Variants in NRG1 observed in about 807,000 individuals in gnomAD.
The protein encoded by NRG1 is neuregulin 1.
In NRG1, 18 loss-of-function variants were observed where a neutral mutation model predicts 63.8. The ratio of observed to expected loss-of-function variants is 0.28; its 90% CI spans 0.19 to 0.42. The LOEUF (loss-of-function observed/expected upper bound fraction) is 0.42. Ranked by LOEUF, NRG1 falls within the 10% of genes least tolerant of loss-of-function variation. NRG1 has a pLI of 1.00. For missense variants in NRG1, 762 were observed against 814.7 expected, an observed-to-expected ratio of 0.94 and a Z score of 0.79; for synonymous variants, 302 against 301.3, an observed-to-expected ratio of 1.00 and a Z score of -0.02.
chr8:32,759,506 C>T, intron 10 of NRG1, 70 bp downstream of exon 10: 1 of 1,543,690 alleles, frequency 6.5e-7, no homozygotes, highest in Non-Finnish European at 8.8e-7. Flanking sequence ...TTTGATATCC[C>T]TGCCTAAGAA....
intron 1 of NRG1, among the ~76,000 whole-genome samples, chr8:31,654,352 C>T (rs77822881): frequency 0.044 from 6,686 of 152,160 alleles, 257 homozygotes; most frequent in Non-Finnish European, 0.061. Context: ...GGTTTGAAGC[C>T]GTGTAACAGG....
In NRG1 at chr8:32,531,572, C is replaced by A. The variant is rs527319624; in HGVS notation, c.38-64256C>A. Among the ~76,000 whole-genome samples, 14 of 152,162 alleles carry A rather than the reference C, an allele frequency of 9.2e-5. No individual in the cohort carries two copies. In the South Asian group the frequency reaches 2.7e-3, roughly 29 times the overall value. ...AAACTATGCAATTCGAATGGAAGAT[C>A]CATTTTAAAAAGTTATTGTGGCAGT... On this transcript the variant is annotated intron_variant, in intron 1 of 10. Coordinates refer to the NRG1 transcript ENST00000519301.
chr8:32,066,662 G>T (rs906870807), intron 1 of NRG1, among the ~76,000 whole-genome samples: 25 of 152,254 alleles, frequency 1.6e-4, no homozygotes, highest in Middle Eastern at 3.4e-3. Context: ...TGTTGACTTG[G>T]CAATGAGGAC....
At chr8:32,539,507 A>G (rs2129520507) in intron 1 of NRG1, among the ~76,000 whole-genome samples, 1 of 152,278 alleles carries the variant, frequency 6.6e-6, no homozygotes, top group East Asian at 1.9e-4. Context: ...TAAAGAGAAA[A>G]ATGAAGGATG....
At chr8:32,338,440 T>C (rs1272380051) in intron 1 of NRG1, among the ~76,000 whole-genome samples, 1 of 152,178 alleles carries the variant, frequency 6.6e-6, no homozygotes, top group Admixed American at 6.6e-5. Flanking sequence ...TATTCTACAG[T>C]TACAAAATAT....
chr8:32,117,783 T>G (rs1832929792), intron 1 of NRG1, among the ~76,000 whole-genome samples: 2 of 152,106 alleles, frequency 1.3e-5, no homozygotes, highest in Admixed American at 1.3e-4. Flanking sequence ...CTTTGACAAT[T>G]TTTGTAATTC....
intron 1 of NRG1, among the ~76,000 whole-genome samples, chr8:31,857,158 C>T (rs1233521267): frequency 1.3e-5 from 2 of 152,358 alleles, no homozygotes; most frequent in South Asian, 4.1e-4. Flanking sequence ...CAGCTTCCCC[C>T]CTGCTTTGTT....
chr8:31,688,927 C>T (rs1809193146), intron 1 of NRG1, among the ~76,000 whole-genome samples: 1 of 152,170 alleles, frequency 6.6e-6, no homozygotes, highest in South Asian at 2.1e-4. Flanking sequence ...GTCAGGAGGG[C>T]TGTCTTCCCT....
rs573666854 is a variant in NRG1, at chr8:31,855,775, G to A, written c.37+216344G>A. Among the ~76,000 whole-genome samples, 918 of 152,098 alleles carry A rather than the reference G, an allele frequency of 6.0e-3. 12 individuals are homozygous for A. The highest frequency in any genetic ancestry group is 0.02 in the African/African-American group (811 of 41,462). On this transcript the variant is annotated intron_variant, in intron 1 of 10. Transcript: ENST00000519301. The stretch of plus-strand genomic sequence containing the variant: ...CCGGTTGTTCCTTTTCATGTTTAGC[G>A]CTTCCTTCAGGAGCTCTTTTAGGGC...
At chr8:32,387,345 G>A (rs751362301) in intron 1 of NRG1, among the ~76,000 whole-genome samples, 1 of 152,282 alleles carries the variant, frequency 6.6e-6, no homozygotes, top group East Asian at 1.9e-4. Flanking sequence ...TGACTTGAAA[G>A]CCTTTGCATT....
intron 1 of NRG1, among the ~76,000 whole-genome samples, chr8:32,381,290 A>C (rs1810311152): frequency 6.6e-6 from 1 of 152,200 alleles, no homozygotes; most frequent in Admixed American, 6.5e-5. Context: ...CCATGAAAAT[A>C]ACTTTTACTC....
intron 1 of NRG1, among the ~76,000 whole-genome samples, chr8:31,914,162 AT>A (rs1430124577): frequency 3.9e-5 from 6 of 152,188 alleles, no homozygotes; most frequent in African/African-American, 1.4e-4. Flanking sequence ...TTTCTTTCCC[AT>A]TCAGATATTT....
At chr8:32,019,475 ACT>A (rs1200895507) in intron 1 of NRG1, among the ~76,000 whole-genome samples, 3 of 151,820 alleles carry the variant, frequency 2.0e-5, no homozygotes, top group Non-Finnish European at 4.4e-5. Context: ...ATGTTTTTCC[ACT>A]CTATGGCTTG....
chr8:31,961,726 A>C lies in NRG1; in HGVS notation c.37+322295A>C, dbSNP rs527818774. ...GATTGGAGTATGGCAAAGGAAATGA[A>C]GCATGAAGGGAAAACTAGGAGCTAT... On this transcript the variant is annotated intron_variant, in intron 1 of 10. Transcript: ENST00000519301. Among the ~76,000 whole-genome samples the C allele has an allele frequency of 7.9e-5, 12 of 152,288 alleles. No homozygotes were observed. The East Asian group carries it at 1.4e-3, about 17-fold the overall frequency.
At chr8:32,753,825 T>C (rs1829179331) in intron 7 of NRG1, among the ~76,000 whole-genome samples, 2 of 152,184 alleles carry the variant, frequency 1.3e-5, no homozygotes, top group Admixed American at 6.5e-5. Context: ...TAGAAATGAC[T>C]CTTTGTAAAG....
intron 1 of NRG1, among the ~76,000 whole-genome samples, chr8:32,037,620 T>C (rs1475896553): frequency 6.6e-6 from 1 of 152,148 alleles, no homozygotes; most frequent in Non-Finnish European, 1.5e-5. Context: ...AACCCCTGGC[T>C]AGGGATGCTG....
At chr8:32,696,792 C>G (rs2128950304) in intron 5 of NRG1, among the ~76,000 whole-genome samples, 1 of 151,788 alleles carries the variant, frequency 6.6e-6, no homozygotes, top group South Asian at 2.1e-4. Flanking sequence ...CTCCAAGTAG[C>G]TGGGATTACA....
intron 5 of NRG1, among the ~76,000 whole-genome samples, chr8:32,684,202 A>T (rs1341393042): frequency 6.6e-6 from 1 of 152,184 alleles, no homozygotes; most frequent in African/African-American, 2.4e-5. Flanking sequence ...TTCTTAGGGC[A>T]TAGAGGCAAT....
chr8:32,518,412 T>C (rs1244604991), intron 1 of NRG1, among the ~76,000 whole-genome samples: 2 of 152,146 alleles, frequency 1.3e-5, no homozygotes, highest in Non-Finnish European at 2.9e-5. Context: ...TTCCTTGCAA[T>C]ATCTAGTCCC....
Sources: gnomAD v4.1 joint callset for allele counts (sites outside exome capture counted in the v4.1 genomes callset) on GRCh38, gnomAD v4.1.1 for gene constraint, MANE v1.5 for transcripts, NCBI Gene and HGNC (gene_info 2026-07-23, HGNC 2026-07-21) for gene names.